The following EFCAB5 variants were observed in gnomAD, a reference collection of about 807,000 sequenced individuals.
EFCAB5 encodes EF-hand calcium-binding domain-containing protein 5.
A neutral mutation model predicts 167.9 loss-of-function variants in EFCAB5; 131 were observed. That is an observed-to-expected ratio of 0.78 (90% CI 0.68 to 0.90). The LOEUF is 0.90. EFCAB5 is among the 40% of genes least tolerant of loss of function. The probability of loss-of-function intolerance (pLI) is 0.00; values close to 1 mark genes in which losing one functional copy is unlikely to be tolerated. For missense variants in EFCAB5, 1,663 were observed against 1,745.2 expected (o/e 0.95, Z 0.84); for synonymous variants, 574 against 602.8 (o/e 0.95, Z 0.70).
chr17:30,053,237 T>C lies in EFCAB5; in HGVS notation c.1301-18T>C, dbSNP rs2070150889. On this transcript the variant is annotated intron_variant, in intron 9 of 22. Transcript: ENST00000394835. ...ATAAGATCAATGGTTTAAGTGAATA[T>C]TTTGTTTTCTGCATTAGGGCCATTC... is the stretch of plus-strand genomic sequence containing the variant. 6.4e-7 allele frequency: 1 copy of C among 1,566,518 alleles called. No individual in the cohort carries two copies. The highest frequency in any genetic ancestry group is 1.2e-5 in the South Asian group (1 of 83,422).
In EFCAB5 at chr17:30,069,697, G is replaced by A. The variant is rs552772966; in HGVS notation, c.2738-8518G>A. Reference sequence around the variant, plus strand: ...GCGCTCACAGGCTGTGTACTCTCATGTACCCGCCGTAGTCTCATGTACCCC... The same window carrying A: ...GCGCTCACAGGCTGTGTACTCTCATATACCCGCCGTAGTCTCATGTACCCC... On this transcript the variant is annotated intron_variant, in intron 14 of 22. Coordinates refer to ENST00000394835, the MANE Select transcript of EFCAB5 (RefSeq NM_198529.4). The A allele has an allele frequency of 2.2e-3, 2,768 of 1,247,488 alleles. 14 individuals carry two copies. The highest frequency in any genetic ancestry group is 2.8e-3 in the Non-Finnish European group (2,425 of 881,172). The allele number at this position is 1,247,488 out of a possible 1,614,324, so 77.3% of individuals were successfully genotyped here. A position where few individuals can be genotyped will look rare whatever the true frequency, so the allele number is the denominator to read the frequency against.
intron 7 of EFCAB5, among the ~76,000 whole-genome samples, chr17:30,014,545 C>T (rs529203508): frequency 7.4e-4 from 112 of 152,258 alleles, no homozygotes; most frequent in African/African-American, 2.6e-3. Flanking sequence ...AACCCTTTAC[C>T]ATTATATAAT....
chr17:30,028,440 G>C (rs1029578734), intron 7 of EFCAB5, among the ~76,000 whole-genome samples: 25 of 152,114 alleles, frequency 1.6e-4, no homozygotes, highest in Non-Finnish European at 5.9e-5. Context: ...CTGTAGCATG[G>C]AAAGACAGAA....
At chr17:30,069,344 C>T in intron 14 of EFCAB5, 1 of 1,556,764 alleles carries the variant, frequency 6.4e-7, no homozygotes, top group Admixed American at 1.7e-5. Flanking sequence ...ACAGGAAAAT[C>T]AGCGACTAAT....
intron 22 of EFCAB5, among the ~76,000 whole-genome samples, chr17:30,100,765 C>CAA (rs539073517): frequency 3.2e-4 from 45 of 142,302 alleles, no homozygotes; most frequent in East Asian, 1.2e-3. Context: ...AGACTCCGTT[C>CAA]AAAAAAAAAA....
In EFCAB5 at chr17:30,007,203, G is replaced by C. The variant is rs148382584; in HGVS notation, c.1044+7227G>C. ...TTTCAGTCATCCCAAGATTTATTAG[G>C]GGAAGAAATGGGTAGACAAGCAGTG... On this transcript the variant is annotated intron_variant, in intron 7 of 22. Coordinates refer to ENST00000394835, the MANE Select transcript of EFCAB5 (RefSeq NM_198529.4). 6.8e-4 allele frequency among the ~76,000 whole-genome samples: 103 copies of C among 152,170 alleles called. 3 individuals carry two copies. In the East Asian group the frequency reaches 0.017, roughly 25 times the overall value.
intron 22 of EFCAB5, among the ~76,000 whole-genome samples, chr17:30,104,495 C>G (rs1270540999): frequency 6.6e-6 from 1 of 151,936 alleles, no homozygotes; most frequent in Non-Finnish European, 1.5e-5. Context: ...TCACCCAGTA[C>G]TCTCTATAGC....
At chr17:29,939,372 T>C (rs1468541046), upstream of EFCAB5, among the ~76,000 whole-genome samples, 4 of 152,210 alleles carry the variant, frequency 2.6e-5, no homozygotes, top group Admixed American at 2.0e-4. Flanking sequence ...ATTTTTGAAA[T>C]GATAAATGAG....
intron 17 of EFCAB5, among the ~76,000 whole-genome samples, chr17:30,082,312 C>G (rs577187816): frequency 6.6e-6 from 1 of 151,282 alleles, no homozygotes; most frequent in African/African-American, 2.4e-5. Context: ...ATGCTATTCT[C>G]TAATAGCACA....
chr17:30,061,543 G>C (rs769137318), intron 14 of EFCAB5, among the ~76,000 whole-genome samples: 2 of 152,178 alleles, frequency 1.3e-5, no homozygotes, highest in Admixed American at 1.3e-4. Context: ...CTATATGGAA[G>C]AGGAAGGTTG....
intron 3 of EFCAB5, among the ~76,000 whole-genome samples, chr17:29,946,880 A>T (rs2067412253): frequency 6.6e-6 from 1 of 152,138 alleles, no homozygotes; most frequent in Non-Finnish European, 1.5e-5. Context: ...CACAATTCAC[A>T]CTTGCAAAGA....
At chr17:29,948,333 AT>A (rs1433857446) in intron 3 of EFCAB5, among the ~76,000 whole-genome samples, 1 of 152,024 alleles carries the variant, frequency 6.6e-6, no homozygotes, top group African/African-American at 2.4e-5. Flanking sequence ...TCTACTTTCA[AT>A]TTCTCTTATT....
intron 7 of EFCAB5, among the ~76,000 whole-genome samples, chr17:30,021,499 T>G (rs1222778455): frequency 2.0e-5 from 3 of 148,296 alleles, no homozygotes; most frequent in Non-Finnish European, 4.5e-5. Flanking sequence ...AATGAGAAAA[T>G]GGAGTGATAT....
chr17:30,019,088 A>G (rs2069113994), intron 7 of EFCAB5, among the ~76,000 whole-genome samples: 1 of 152,106 alleles, frequency 6.6e-6, no homozygotes, highest in Non-Finnish European at 1.5e-5. Flanking sequence ...GACTCTTCTG[A>G]TTCCTCCTGT....
intron 7 of EFCAB5, among the ~76,000 whole-genome samples, chr17:30,006,081 C>T (rs2068768122): frequency 6.6e-6 from 1 of 152,188 alleles, no homozygotes; most frequent in Non-Finnish European, 1.5e-5. Flanking sequence ...ATTCTGCCTC[C>T]CTAAAATGTA....
At position 30,012,604 on chromosome 17, in the gene EFCAB5, T is replaced by C. The variant is rs2068931877; in HGVS notation, c.1044+12628T>C. Among the ~76,000 whole-genome samples the C allele has an allele frequency of 2.0e-5, 3 of 152,236 alleles. No individual in the cohort carries two copies. The South Asian group carries it at 6.2e-4, about 32-fold the overall frequency. On this transcript the variant is annotated intron_variant, in intron 7 of 22. Transcript: ENST00000394835. ...TCCTGCCCCTTTGTCTTATATCCAA[T>C]AAATATCAGTGCAGCCTGGTATTTG...
intron 21 of EFCAB5, among the ~76,000 whole-genome samples, 186 bp downstream of exon 21, chr17:30,092,343 TG>T (rs2071216379): frequency 6.6e-6 from 1 of 152,162 alleles, no homozygotes; most frequent in Non-Finnish European, 1.5e-5. Context: ...AGCTCTCCTT[TG>T]TACCCTTCCT....
At chr17:29,953,440 G>T (rs561380256) in intron 3 of EFCAB5, among the ~76,000 whole-genome samples, 8 of 152,288 alleles carry the variant, frequency 5.3e-5, no homozygotes, top group African/African-American at 1.9e-4. Flanking sequence ...TCTTTTCCAT[G>T]CTGTTCTCAT....
At position 30,092,058 on chromosome 17, in the gene EFCAB5, C is replaced by T. The variant is rs368184493; in HGVS notation, c.4125C>T (p.Asn1375=). ...QDSKSMELEA[N]VKLVRDILKA... ...GCAAATCTATGGAGTTGGAAGCCAA[C>T]GTGAAACTAGTGCGTGACATCCTGA... The change falls in exon 21 of 23, where the codon AAC becomes AAT. Residue 1375 remains asparagine (N), a synonymous_variant. Coordinates refer to ENST00000394835, the MANE Select transcript of EFCAB5 (RefSeq NM_198529.4). 1.7e-4 allele frequency: 281 copies of T among 1,613,782 alleles called. No homozygotes were observed. The highest frequency in any genetic ancestry group is 2.2e-4 in the Non-Finnish European group (264 of 1,179,860).
Sources: gnomAD v4.1 joint callset for allele counts (sites outside exome capture counted in the v4.1 genomes callset) on GRCh38, gnomAD v4.1.1 for gene constraint, MANE v1.5 for transcripts, NCBI Gene and HGNC (gene_info 2026-07-23, HGNC 2026-07-21) for gene names.